The following SORL1-AS1 variants were observed in gnomAD, a reference collection of about 807,000 sequenced individuals.
The protein encoded by SORL1-AS1 is SORL1 antisense RNA 1.
chr11:121,443,095 A>G (rs1860682146), downstream of SORL1-AS1, among the ~76,000 whole-genome samples: 1 of 152,138 alleles, frequency 6.6e-6, no homozygotes, highest in Non-Finnish European at 1.5e-5. Flanking sequence ...GATAAGCCAT[A>G]TGTCTTGAAT....
intron 1 of SORL1-AS1, among the ~76,000 whole-genome samples, chr11:121,451,558 A>G (rs1860793380): frequency 6.6e-6 from 1 of 152,192 alleles, no homozygotes; most frequent in Non-Finnish European, 1.5e-5. Flanking sequence ...ATAGCTGTGT[A>G]ATAATTGTCC....
the SORL1-AS1 span, among the ~76,000 whole-genome samples, chr11:121,440,065 G>T: frequency 1.3e-5 from 2 of 152,188 alleles, no homozygotes; most frequent in African/African-American, 4.8e-5. Flanking sequence ...TCAGGAGCTT[G>T]CTGGGGCTCA....
chr11:121,446,691 C>T (rs1860728895), downstream of SORL1-AS1, among the ~76,000 whole-genome samples: 2 of 150,060 alleles, frequency 1.3e-5, no homozygotes, highest in African/African-American at 4.9e-5. Flanking sequence ...GTGGAGGTTG[C>T]AGTGAGCTGA....
chr11:121,449,017 T>C (rs931047856), exon 2 of SORL1-AS1: 2 of 152,192 alleles, frequency 1.3e-5, no homozygotes, highest in Non-Finnish European at 2.9e-5. Context: ...AGTTTTTTCC[T>C]CTTCGTGGCT....
At chr11:121,442,676 T>C (rs546910309), downstream of SORL1-AS1, among the ~76,000 whole-genome samples, 3 of 146,350 alleles carry the variant, frequency 2.0e-5, no homozygotes, top group South Asian at 6.5e-4. Context: ...TTTATTTATT[T>C]ATTTATTTAT....
chr11:121,446,289 A>C (rs1310729454), downstream of SORL1-AS1, among the ~76,000 whole-genome samples: 2 of 152,246 alleles, frequency 1.3e-5, no homozygotes, highest in African/African-American at 4.8e-5. Flanking sequence ...ACATCTCAAA[A>C]GAGGCCTAAA....
At chr11:121,438,473 G>T in the SORL1-AS1 span, among the ~76,000 whole-genome samples, 2 of 152,180 alleles carry the variant, frequency 1.3e-5, no homozygotes, top group South Asian at 4.2e-4. Flanking sequence ...CACAGGCAAT[G>T]ACTATTCTGA....
chr11:121,440,607 A>C, the SORL1-AS1 span, among the ~76,000 whole-genome samples: 1 of 152,210 alleles, frequency 6.6e-6, no homozygotes, highest in South Asian at 2.1e-4. Context: ...CTCCCAAAGC[A>C]AGCCATGAGC....
the SORL1-AS1 span, among the ~76,000 whole-genome samples, chr11:121,439,458 T>C: frequency 5.3e-5 from 8 of 152,142 alleles, no homozygotes; most frequent in African/African-American, 1.9e-4. Flanking sequence ...GAGTCCTTTG[T>C]ACATTCTGTT....
downstream of SORL1-AS1, among the ~76,000 whole-genome samples, chr11:121,444,552 G>A (rs1565294124): frequency 6.6e-6 from 1 of 152,184 alleles, no homozygotes. Flanking sequence ...CATGGATGCA[G>A]GTTAAGCGCA....
At chr11:121,440,408 C>T in the SORL1-AS1 span, among the ~76,000 whole-genome samples, 1 of 152,068 alleles carries the variant, frequency 6.6e-6, no homozygotes, top group East Asian at 1.9e-4. Context: ...TAAAGAACTC[C>T]AGAGGGCCAG....
At chr11:121,439,574 C>A in the SORL1-AS1 span, among the ~76,000 whole-genome samples, 1 of 151,908 alleles carries the variant, frequency 6.6e-6, no homozygotes, top group Non-Finnish European at 1.5e-5. Flanking sequence ...AACTCAATGT[C>A]TCTGATCTTC....
At chr11:121,442,209 A>C in the SORL1-AS1 span, among the ~76,000 whole-genome samples, 2,000 of 152,248 alleles carry the variant, frequency 0.013, 21 homozygotes, top group Non-Finnish European at 0.021. Context: ...AGGTGCTTTC[A>C]TTGCACCTTA....
At chr11:121,439,411 TA>T in the SORL1-AS1 span, among the ~76,000 whole-genome samples, 1 of 151,690 alleles carries the variant, frequency 6.6e-6, no homozygotes, top group Non-Finnish European at 1.5e-5. Context: ...TCTGCTTGTT[TA>T]AAAACATTGA....
At chr11:121,443,847 G>A (rs1860691807), downstream of SORL1-AS1, among the ~76,000 whole-genome samples, 1 of 152,236 alleles carries the variant, frequency 6.6e-6, no homozygotes, top group Non-Finnish European at 1.5e-5. Context: ...GAATCCAGCA[G>A]ACCCAGCAGG....
At position 121,450,899 on chromosome 11, in the gene SORL1-AS1, CA is replaced by C. The variant is rs930036724; in HGVS notation, n.340-1001del. Among the ~76,000 whole-genome samples, 6 of 152,018 alleles carry C rather than the reference CA, an allele frequency of 3.9e-5. No individual in the cohort carries two copies. Among genetic ancestry groups the C allele is most frequent in the Non-Finnish European group, 8.8e-5 (6 of 67,984 alleles). ...GGGTAGGGTGGTTGAATACTGGCTTCAGGGAGATGAGGCAAGCTGGCCTGAC... is the reference window on the plus strand; with the variant it reads ...GGGTAGGGTGGTTGAATACTGGCTTCGGGAGATGAGGCAAGCTGGCCTGAC... On this transcript the variant is annotated intron_variant and non_coding_transcript_variant, in intron 1 of 1. Coordinates refer to ENST00000501964, the Ensembl canonical transcript of SORL1-AS1. The surrounding 1 kb of genome is among the most constrained non-coding windows in gnomAD (Gnocchi z 5.2).
At chr11:121,445,373 A>AAGCAC (rs747964825), downstream of SORL1-AS1, among the ~76,000 whole-genome samples, 59 of 152,256 alleles carry the variant, frequency 3.9e-4, no homozygotes, top group Non-Finnish European at 3.1e-4. Flanking sequence ...GTGCTGGAAG[A>AAGCAC]AGCACTTCTC....
the SORL1-AS1 span, among the ~76,000 whole-genome samples, chr11:121,438,487 C>G: frequency 3.9e-5 from 6 of 152,126 alleles, no homozygotes; most frequent in Admixed American, 3.9e-4. Context: ...ATTCTGATTT[C>G]TATTTCCATA....
rs1860819306 is a variant in SORL1-AS1 at position 121,452,552 on chromosome 11, A to G, written n.339+123T>C. 1.3e-6 allele frequency: 2 copies of G among 1,506,670 alleles called. No homozygotes were observed. The highest frequency in any genetic ancestry group is 2.5e-5 in the South Asian group (2 of 80,998). 93.3% of individuals were successfully genotyped at this position (1,506,670 alleles called of 1,614,324 possible). A position where few individuals can be genotyped will look rare whatever the true frequency, so the allele number is the denominator to read the frequency against. On this transcript the variant is annotated intron_variant and non_coding_transcript_variant, in intron 1 of 1. Transcript: ENST00000501964. The surrounding 1 kb of genome is among the most constrained non-coding windows in gnomAD (Gnocchi z 5.3). ...GCCAGGGGGGCGAGCCGCGCGGACGAGAAGCCGCTCCGGAGGAAACGGAGC... is the reference window on the plus strand; with the variant it reads ...GCCAGGGGGGCGAGCCGCGCGGACGGGAAGCCGCTCCGGAGGAAACGGAGC...
Sources: allele counts gnomAD v4.1 joint callset (sites outside exome capture counted in the v4.1 genomes callset), GRCh38; gene constraint gnomAD v4.1.1; non-coding constraint Gnocchi (gnomAD v3.1); transcripts MANE v1.5; gene names NCBI Gene and HGNC (gene_info 2026-07-23, HGNC 2026-07-21).